Variants in FGD4 observed in about 807,000 individuals in gnomAD.
FGD4 encodes FYVE, RhoGEF and PH domain-containing protein 4.
FGD4 carries 42 observed loss-of-function variants against 102.0 expected under a neutral mutation model. The observed-to-expected ratio is 0.41, with a 90% CI of 0.32 to 0.53. The LOEUF is 0.53. Ranked by LOEUF, FGD4 falls within the 20% of genes least tolerant of loss-of-function variation. The pLI, the probability that FGD4 is intolerant of heterozygous loss-of-function variation, is 0.21. For missense variants in FGD4, 902 were observed against 1,078.2 expected, an observed-to-expected ratio of 0.84 and a Z score of 2.29; for synonymous variants, 380 against 375.7, an observed-to-expected ratio of 1.01 and a Z score of -0.13.
intron 6 of FGD4, 69 bp from the exon 7 acceptor site, chr12:32,602,092 G>T: frequency 1.4e-6 from 2 of 1,427,012 alleles, no homozygotes; most frequent in East Asian, 4.6e-5. Context: ...TACAGTCTGG[G>T]TGACAGAACA....
At chr12:32,612,753 G>A (rs1949224260) in intron 10 of FGD4, among the ~76,000 whole-genome samples, 1 of 152,036 alleles carries the variant, frequency 6.6e-6, no homozygotes, top group Admixed American at 6.5e-5. Flanking sequence ...TATAAGCCTG[G>A]TTGTAAGTCT....
chr12:32,523,122 G>A (rs1460919873), intron 1 of FGD4, among the ~76,000 whole-genome samples: 1 of 152,148 alleles, frequency 6.6e-6, no homozygotes, highest in Non-Finnish European at 1.5e-5. Flanking sequence ...CTGTTCCCCA[G>A]AGCAGAGAGT....
At chr12:32,549,118 GT>G (rs962062244) in intron 1 of FGD4, among the ~76,000 whole-genome samples, 1 of 152,186 alleles carries the variant, frequency 6.6e-6, no homozygotes, top group Non-Finnish European at 1.5e-5. Flanking sequence ...AGTTAAGCAG[GT>G]TTTTTTCTAT....
chr12:32,519,843 A>G (rs1349109336), intron 1 of FGD4, among the ~76,000 whole-genome samples: 1 of 152,108 alleles, frequency 6.6e-6, no homozygotes, highest in Non-Finnish European at 1.5e-5. Flanking sequence ...TCTACTTGGG[A>G]GGCTGAAGCA....
Position 32,399,702 on chromosome 12 carries a change from C to G in FGD4, c.-92C>G, listed in dbSNP as rs932543300. ...GTAGAGGGCGCCCCCGGAGTCGCGCCGAACCTGGGCATGCAGGCGACGCCC... is the reference window on the plus strand; with the variant it reads ...GTAGAGGGCGCCCCCGGAGTCGCGCGGAACCTGGGCATGCAGGCGACGCCC... On this transcript the variant is annotated 5_prime_UTR_variant, in exon 1 of 17. Coordinates refer to ENST00000534526, the MANE Select transcript of FGD4 (RefSeq NM_001370298.3). 4.1e-6 allele frequency: 6 copies of G among 1,475,032 alleles called. No individual in the cohort carries two copies. The African/African-American group carries it at 8.8e-5, about 22-fold the overall frequency. The allele number at this position is 1,475,032 out of a possible 1,614,324, so 91.4% of individuals were successfully genotyped here. A position where few individuals can be genotyped will look rare whatever the true frequency, so the allele number is the denominator to read the frequency against.
Position 32,422,287 on chromosome 12 carries a change from GCTTTTTT to G in FGD4, c.166+22329_166+22335del, listed in dbSNP as rs1243291879. Among the ~76,000 whole-genome samples the G allele has an allele frequency of 5.3e-4, 49 of 91,692 alleles. 1 individual carries two copies. The highest frequency in any genetic ancestry group is 1.6e-3 in the African/African-American group (40 of 25,016). The allele number at this position is 91,692 out of a possible 152,430, so 60.2% of individuals were successfully genotyped here. On this transcript the variant is annotated intron_variant, in intron 1 of 16. Transcript: ENST00000534526. ...ATTGAAGCATCTCAAATTGGGAGCT[GCTTTTTT>G]TTTTTTTTTTTTTTTTTTTTTTGAG...
intron 1 of FGD4, among the ~76,000 whole-genome samples, chr12:32,472,422 A>G (rs550530686): frequency 6.6e-6 from 1 of 151,862 alleles, no homozygotes; most frequent in African/African-American, 2.4e-5. Flanking sequence ...GCAATGGGGG[A>G]CTTAGCACCC....
At chr12:32,522,756 C>G (rs1225622044) in intron 1 of FGD4, among the ~76,000 whole-genome samples, 2 of 152,168 alleles carry the variant, frequency 1.3e-5, no homozygotes, top group Non-Finnish European at 2.9e-5. Context: ...ATTTTGAAAG[C>G]AAAGTGGCAA....
intron 15 of FGD4, chr12:32,637,656 A>G (rs1435999247): frequency 6.6e-6 from 1 of 151,606 alleles, no homozygotes. Flanking sequence ...ACAGTTCCGC[A>G]TGGCTGGGGA....
At position 32,544,670 on chromosome 12, in the gene FGD4, T is replaced by G. The variant is rs2136151897; in HGVS notation, c.167-19467T>G. 6.6e-6 allele frequency among the ~76,000 whole-genome samples: 1 copy of G among 152,108 alleles called. No homozygotes were observed. On this transcript the variant is annotated intron_variant, in intron 1 of 16. Coordinates refer to ENST00000534526, the MANE Select transcript of FGD4 (RefSeq NM_001370298.3). The surrounding 1 kb of genome is among the most constrained non-coding windows in gnomAD (Gnocchi z 4.1). ...ACTGCTTGAGCCAGGAAGTGGAGGT[T>G]GCAGTGAGTTGAGATCGCACCATTG...
At chr12:32,623,386 A>G (rs1949962338) in intron 11 of FGD4, among the ~76,000 whole-genome samples, 1 of 152,180 alleles carries the variant, frequency 6.6e-6, no homozygotes, top group Non-Finnish European at 1.5e-5. Flanking sequence ...GAGAAGCAAG[A>G]TTGAAGCCCC....
chr12:32,448,209 A>G (rs1942675921), intron 1 of FGD4, among the ~76,000 whole-genome samples: 1 of 152,198 alleles, frequency 6.6e-6, no homozygotes, highest in Non-Finnish European at 1.5e-5. Flanking sequence ...CCATGATCTT[A>G]GAGGGAAAAT....
chr12:32,439,300 A>G (rs1736913611), intron 1 of FGD4, among the ~76,000 whole-genome samples: 1 of 152,268 alleles, frequency 6.6e-6, no homozygotes, highest in African/African-American at 2.4e-5. Context: ...TAATTTCTTT[A>G]TTTTTAAAGG....
intron 1 of FGD4, among the ~76,000 whole-genome samples, chr12:32,458,243 C>T (rs1032981819): frequency 1.3e-5 from 2 of 151,898 alleles, no homozygotes; most frequent in South Asian, 4.2e-4. Flanking sequence ...GATCATTGCT[C>T]ACTGCAGTCT....
intron 1 of FGD4, among the ~76,000 whole-genome samples, chr12:32,424,776 G>C (rs1336446692): frequency 6.6e-6 from 1 of 152,222 alleles, no homozygotes; most frequent in Non-Finnish European, 1.5e-5. Context: ...ACTGGTGTGA[G>C]ATGGTATCTC....
chr12:32,418,901 T>C (rs940285683), intron 1 of FGD4, among the ~76,000 whole-genome samples: 1 of 152,206 alleles, frequency 6.6e-6, no homozygotes, highest in Non-Finnish European at 1.5e-5. Flanking sequence ...TTTGTTCTAC[T>C]GTGGTTAAGG....
chr12:32,573,309 T>A (rs762819331), intron 2 of FGD4, among the ~76,000 whole-genome samples: 7 of 152,122 alleles, frequency 4.6e-5, no homozygotes, highest in Admixed American at 1.3e-4. Context: ...GTTAGCCAGG[T>A]TGGTCTCGAT....
intron 15 of FGD4, among the ~76,000 whole-genome samples, chr12:32,638,341 A>G (rs1028510032): frequency 6.6e-6 from 1 of 152,234 alleles, no homozygotes; most frequent in African/African-American, 2.4e-5. Context: ...TCTGAGCCTC[A>G]GAAAAAATGA....
chr12:32,510,687 A>G (rs1202133619), intron 1 of FGD4, among the ~76,000 whole-genome samples: 1 of 152,230 alleles, frequency 6.6e-6, no homozygotes, highest in Non-Finnish European at 1.5e-5. Flanking sequence ...CCTAGTAATT[A>G]GACTGTTTTA....
Sources: gnomAD v4.1 joint callset for allele counts (sites outside exome capture counted in the v4.1 genomes callset) on GRCh38, gnomAD v4.1.1 for gene constraint, Gnocchi (gnomAD v3.1) non-coding constraint, MANE v1.5 for transcripts, NCBI Gene and HGNC (gene_info 2026-07-23, HGNC 2026-07-21) for gene names.